TMEM209: variants seen among roughly 807,000 people sequenced by gnomAD.
The protein encoded by TMEM209 is transmembrane protein 209.
Under a neutral mutation model 76.2 loss-of-function variants are expected in TMEM209, and 65 were observed. The observed-to-expected ratio is 0.85, with a 90% CI of 0.70 to 1.05. The LOEUF (loss-of-function observed/expected upper bound fraction) is 1.05, where lower values mean the gene tolerates loss of function less well. Among genes scored for constraint, TMEM209 ranks in the 50% least tolerant of loss-of-function variants. The pLI is 0.00. For synonymous variants in TMEM209, 239 were observed against 237.6 expected (o/e 1.01, Z -0.06); for missense variants, 623 against 685.5 (o/e 0.91, Z 1.02).
intron 6 of TMEM209, among the ~76,000 whole-genome samples, chr7:130,188,609 A>G (rs1169050638): frequency 6.6e-6 from 1 of 151,292 alleles, no homozygotes; most frequent in Non-Finnish European, 1.5e-5. Context: ...AAAAAAAAAA[A>G]AAAAAAAAAA....
intron 8 of TMEM209, chr7:130,181,985 G>T (rs1356155287): frequency 3.3e-6 from 1 of 305,826 alleles, no homozygotes; most frequent in Non-Finnish European, 6.4e-6. Flanking sequence ...TTGTTGCCCA[G>T]GCTGGAGTGC....
intron 6 of TMEM209, among the ~76,000 whole-genome samples, chr7:130,192,000 C>T (rs1797813560): frequency 6.6e-6 from 1 of 152,340 alleles, no homozygotes; most frequent in South Asian, 2.1e-4. Flanking sequence ...TTCCTCGCCA[C>T]AGCTGAGTAT....
At chr7:130,189,325 T>C (rs997967483) in intron 6 of TMEM209, among the ~76,000 whole-genome samples, 1 of 151,832 alleles carries the variant, frequency 6.6e-6, no homozygotes, top group African/African-American at 2.4e-5. Flanking sequence ...GCCTCCAGAG[T>C]GGCTGGGATA....
In TMEM209 at chr7:130,195,644, AGTT is replaced by A. The variant is rs1246160037; in HGVS notation, c.574-2824_574-2822del. Among the ~76,000 whole-genome samples the A allele has an allele frequency of 2.7e-5, 4 of 149,722 alleles. No individual in the cohort carries two copies. The East Asian group carries it at 7.9e-4, about 29-fold the overall frequency. ...AAAAGTTATTTGGAAAAAAAAAAAA[AGTT>A]GTTAATTTCTGTGAATTCAAACCAT... is the stretch of plus-strand genomic sequence containing the variant. On this transcript the variant is annotated intron_variant, in intron 5 of 14. Coordinates refer to ENST00000397622, the MANE Select transcript of TMEM209 (RefSeq NM_032842.4).
chr7:130,169,740 T>C (rs530094337), intron 14 of TMEM209, among the ~76,000 whole-genome samples: 310 of 145,276 alleles, frequency 2.1e-3, no homozygotes, highest in African/African-American at 4.7e-3. Flanking sequence ...CCATCCCCCC[T>C]TTTTTTTTTG....
intron 9 of TMEM209, among the ~76,000 whole-genome samples, chr7:130,181,239 T>A (rs987855946): frequency 6.6e-6 from 1 of 152,238 alleles, no homozygotes; most frequent in Non-Finnish European, 1.5e-5. Context: ...ATTCCATTCA[T>A]ATGAAATATC....
chr7:130,168,444 A>G (rs1231522272), intron 14 of TMEM209, among the ~76,000 whole-genome samples: 2 of 152,190 alleles, frequency 1.3e-5, no homozygotes, highest in African/African-American at 4.8e-5. Context: ...CAAGCATTTC[A>G]GATAAAGAAT....
At chr7:130,188,933 A>T (rs1234606996) in intron 6 of TMEM209, among the ~76,000 whole-genome samples, 5 of 152,216 alleles carry the variant, frequency 3.3e-5, no homozygotes, top group Non-Finnish European at 7.3e-5. Flanking sequence ...CTGAATTTTC[A>T]AAACAACAGC....
At position 130,166,176 on chromosome 7, in the gene TMEM209, T is replaced by C. The variant is rs1796877733; in HGVS notation, c.*275A>G. 1 of 276,256 alleles carries C rather than the reference T, an allele frequency of 3.6e-6. No individual in the cohort carries two copies. Among genetic ancestry groups the C allele is most frequent in the East Asian group, 6.4e-5 (1 of 15,572 alleles). 17.1% of individuals were successfully genotyped at this position (276,256 alleles called of 1,614,324 possible). On this transcript the variant is annotated 3_prime_UTR_variant, in exon 15 of 15. Coordinates refer to ENST00000397622, the MANE Select transcript of TMEM209 (RefSeq NM_032842.4). Reference sequence around the variant, plus strand: ...TTTCATTAAGGGGAATGGCACTATTTTGAGTCAATAAAAATCCGAAGGGTT... The same window carrying C: ...TTTCATTAAGGGGAATGGCACTATTCTGAGTCAATAAAAATCCGAAGGGTT...
Position 130,173,716 on chromosome 7 carries a change from C to A in TMEM209, c.1473G>T (p.Glu491Asp), listed in dbSNP as rs771760546. ...QTPNKPDVTN[E>D]NVFCIYQSAI... ...CACTCTGATAAATGCAAAAAACATT[C>A]TCATTTGTAACATCTGTAAAGGAAG... Residue 491 changes from glutamate to aspartate, a missense_variant, in exon 13 of 15, where the codon GAG becomes GAT. Glu to Asp is a conservative substitution (Grantham distance 45, BLOSUM62 2). Coordinates refer to ENST00000397622, the MANE Select transcript of TMEM209 (RefSeq NM_032842.4). 1 of 1,613,764 alleles carries A rather than the reference C, an allele frequency of 6.2e-7. No homozygotes were observed. Among genetic ancestry groups the A allele is most frequent in the South Asian group, 1.1e-5 (1 of 91,060 alleles).
At chr7:130,177,479 T>C (rs914552501) in intron 10 of TMEM209, among the ~76,000 whole-genome samples, 1 of 152,126 alleles carries the variant, frequency 6.6e-6, no homozygotes, top group East Asian at 1.9e-4. Context: ...GTGGGAGGAC[T>C]GCTTGAGCCT....
At chr7:130,199,641 G>A (rs766220632) in intron 5 of TMEM209, among the ~76,000 whole-genome samples, 1 of 152,030 alleles carries the variant, frequency 6.6e-6, no homozygotes, top group Non-Finnish European at 1.5e-5. Flanking sequence ...TAAATACAAA[G>A]ATGTACAAGG....
intron 9 of TMEM209, among the ~76,000 whole-genome samples, chr7:130,178,738 C>T (rs571590645): frequency 1.2e-4 from 19 of 152,150 alleles, no homozygotes; most frequent in African/African-American, 4.6e-4. Flanking sequence ...CTTTTTTCCT[C>T]CTTAGCACTA....
At chr7:130,200,160 T>C (rs1798138675) in intron 5 of TMEM209, among the ~76,000 whole-genome samples, 2 of 151,950 alleles carry the variant, frequency 1.3e-5, no homozygotes, top group South Asian at 4.1e-4. Flanking sequence ...TCTATATATA[T>C]ATATATTAAA....
intron 9 of TMEM209, among the ~76,000 whole-genome samples, chr7:130,180,523 C>T (rs1797376624): frequency 3.9e-5 from 6 of 152,000 alleles, no homozygotes; most frequent in Admixed American, 3.9e-4. Flanking sequence ...CGCCTGCCAC[C>T]ATGCTCGGTT....
At chr7:130,191,608 C>T (rs1469939158) in intron 6 of TMEM209, among the ~76,000 whole-genome samples, 6 of 151,950 alleles carry the variant, frequency 3.9e-5, no homozygotes, top group African/African-American at 1.5e-4. Flanking sequence ...TCTCTAACCA[C>T]AGTAAAATTA....
intron 6 of TMEM209, among the ~76,000 whole-genome samples, chr7:130,187,664 AAAG>A (rs1797647417): frequency 6.6e-6 from 1 of 152,132 alleles, no homozygotes; most frequent in South Asian, 2.1e-4. Context: ...AAAAAAAAAA[AAAG>A]AAAAACAACA....
At chr7:130,187,932 C>T (rs1020882859) in intron 6 of TMEM209, among the ~76,000 whole-genome samples, 1 of 152,056 alleles carries the variant, frequency 6.6e-6, no homozygotes, top group East Asian at 1.9e-4. Context: ...GCAGTCCTAA[C>T]AACCAACAAG....
intron 5 of TMEM209, among the ~76,000 whole-genome samples, chr7:130,197,887 A>T (rs1798044164): frequency 6.6e-6 from 1 of 152,248 alleles, no homozygotes; most frequent in South Asian, 2.1e-4. Flanking sequence ...CTTAGATAAC[A>T]GTTCATTAAC....
Sources: allele counts gnomAD v4.1 joint callset (sites outside exome capture counted in the v4.1 genomes callset), GRCh38; gene constraint gnomAD v4.1.1; transcripts MANE v1.5; gene names NCBI Gene and HGNC (gene_info 2026-07-23, HGNC 2026-07-21).